SGCZ: variants seen among roughly 807,000 people sequenced by gnomAD.
SGCZ encodes zeta-sarcoglycan.
In SGCZ, 40 loss-of-function variants were observed where a neutral mutation model predicts 41.3. The observed-to-expected ratio is 0.97, with a 90% CI of 0.75 to 1.26. The LOEUF (loss-of-function observed/expected upper bound fraction) is 1.26. Among genes scored for constraint, SGCZ ranks in the 50% most tolerant of loss-of-function variants. The pLI, the probability that SGCZ is intolerant of heterozygous loss-of-function variation, is 0.00. For missense variants in SGCZ, 552 were observed against 369.8 expected, an observed-to-expected ratio of 1.49 and a Z score of -4.04; for synonymous variants, 206 against 137.5, an observed-to-expected ratio of 1.50 and a Z score of -3.49.
At chr8:14,142,236 C>T (rs879920753) in intron 5 of SGCZ, among the ~76,000 whole-genome samples, 8 of 152,168 alleles carry the variant, frequency 5.3e-5, no homozygotes, top group South Asian at 2.1e-4. Context: ...TTAAGGGGTG[C>T]AGCACACCAA....
At chr8:15,185,206 A>G (rs1800297596) in intron 1 of SGCZ, among the ~76,000 whole-genome samples, 1 of 152,210 alleles carries the variant, frequency 6.6e-6, no homozygotes, top group Non-Finnish European at 1.5e-5. Flanking sequence ...AAATAGAGGG[A>G]AAGCCAGGGC....
chr8:15,038,316 A>G (rs551919225), intron 1 of SGCZ, among the ~76,000 whole-genome samples: 1 of 152,258 alleles, frequency 6.6e-6, no homozygotes, highest in South Asian at 2.1e-4. Context: ...CTTACGGTCA[A>G]TTGATTTTTG....
chr8:14,576,358 A>T (rs1213595489), intron 1 of SGCZ, among the ~76,000 whole-genome samples: 3 of 152,234 alleles, frequency 2.0e-5, no homozygotes, highest in South Asian at 2.1e-4. Context: ...AGGGAAAAAA[A>T]ACTGAGTTTT....
intron 4 of SGCZ, among the ~76,000 whole-genome samples, chr8:14,183,962 A>G (rs1804818103): frequency 6.6e-6 from 1 of 152,192 alleles, no homozygotes; most frequent in African/African-American, 2.4e-5. Context: ...CTTATAGTTA[A>G]GAAGTGAACT....
intron 1 of SGCZ, among the ~76,000 whole-genome samples, chr8:15,067,413 C>T (rs953886129): frequency 2.6e-5 from 4 of 152,294 alleles, no homozygotes; most frequent in Admixed American, 6.5e-5. Flanking sequence ...GTACGTAAAT[C>T]TTATTATCCC....
rs375878587 is a variant in SGCZ at position 15,209,624 on chromosome 8, G to A, written c.39+27961C>T. The stretch of plus-strand genomic sequence containing the variant: ...TAAGTTAAATCACAATTCTGTAAGT[G>A]AGAAGATTGAAGTTTAAAAGATCTA... On this transcript the variant is annotated intron_variant, in intron 1 of 7. Coordinates refer to ENST00000382080, the MANE Select transcript of SGCZ (RefSeq NM_139167.4). Among the ~76,000 whole-genome samples, 273 of 152,194 alleles carry A rather than the reference G, an allele frequency of 1.8e-3. 1 individual carries two copies. Among genetic ancestry groups the A allele is most frequent in the Non-Finnish European group, 2.7e-3 (186 of 68,002 alleles).
At chr8:14,931,345 T>C (rs1799917902) in intron 1 of SGCZ, among the ~76,000 whole-genome samples, 1 of 152,096 alleles carries the variant, frequency 6.6e-6, no homozygotes, top group South Asian at 2.1e-4. Context: ...TGATCTATTC[T>C]TGAGTTCCTA....
At chr8:14,952,525 G>C (rs1284577091) in intron 1 of SGCZ, among the ~76,000 whole-genome samples, 3 of 152,086 alleles carry the variant, frequency 2.0e-5, no homozygotes, top group South Asian at 2.1e-4. Context: ...GTTCGATAAT[G>C]TTGATAAATT....
intron 1 of SGCZ, among the ~76,000 whole-genome samples, chr8:14,567,012 C>A (rs1242182081): frequency 1.3e-5 from 2 of 152,190 alleles, no homozygotes; most frequent in Admixed American, 6.5e-5. Context: ...TGCACCAGGT[C>A]CCCCAGCAGT....
At chr8:14,654,954 C>T (rs1457242935) in intron 1 of SGCZ, among the ~76,000 whole-genome samples, 1 of 152,148 alleles carries the variant, frequency 6.6e-6, no homozygotes, top group East Asian at 1.9e-4. Flanking sequence ...CAGGAAGCCA[C>T]TGCACTGGCC....
intron 1 of SGCZ, among the ~76,000 whole-genome samples, chr8:14,832,733 AT>A (rs1434588628): frequency 6.6e-6 from 1 of 152,154 alleles, no homozygotes; most frequent in Non-Finnish European, 1.5e-5. Context: ...TATATTTATG[AT>A]CTGTGTGCTT....
At chr8:14,255,695 C>T (rs1287188012) in intron 3 of SGCZ, among the ~76,000 whole-genome samples, 1 of 151,980 alleles carries the variant, frequency 6.6e-6, no homozygotes, top group African/African-American at 2.4e-5. Context: ...ATGAATATAA[C>T]TTATTAATGA....
At chr8:14,308,767 T>G (rs1334367969) in intron 3 of SGCZ, among the ~76,000 whole-genome samples, 1 of 152,090 alleles carries the variant, frequency 6.6e-6, no homozygotes, top group Non-Finnish European at 1.5e-5. Context: ...TAATAAAATT[T>G]GTAACACACT....
intron 1 of SGCZ, among the ~76,000 whole-genome samples, chr8:15,165,411 G>C (rs1032737373): frequency 2.0e-5 from 3 of 152,130 alleles, no homozygotes; most frequent in African/African-American, 7.2e-5. Flanking sequence ...TTGGTAACAT[G>C]CAACATGCGG....
intron 5 of SGCZ, among the ~76,000 whole-genome samples, chr8:14,158,100 CT>C (rs1161863736): frequency 5.0e-4 from 74 of 147,106 alleles, no homozygotes; most frequent in Middle Eastern, 3.6e-3. Flanking sequence ...TTTCACATGT[CT>C]TTTTTTTTTT....
At chr8:14,097,426 G>A (rs1801879962) in intron 7 of SGCZ, among the ~76,000 whole-genome samples, 1 of 152,204 alleles carries the variant, frequency 6.6e-6, no homozygotes, top group Non-Finnish European at 1.5e-5. Context: ...TCTTAATCCT[G>A]AGTTCTAATT....
intron 3 of SGCZ, among the ~76,000 whole-genome samples, chr8:14,282,995 G>A (rs1249200425): frequency 2.7e-5 from 4 of 150,358 alleles, no homozygotes; most frequent in Admixed American, 6.7e-5. Flanking sequence ...GACTACAGGT[G>A]CCCGCCACCA....
At chr8:14,326,130 A>AAAAAAAAAAAAAAAAAAAAC (rs1802103306) in intron 2 of SGCZ, among the ~76,000 whole-genome samples, 1 of 148,490 alleles carries the variant, frequency 6.7e-6, no homozygotes, top group African/African-American at 2.5e-5. Context: ...AAAAAAAAAA[A>AAAAAAAAAAAAAAAAAAAAC]GATGAGGACG....
intron 2 of SGCZ, among the ~76,000 whole-genome samples, chr8:14,390,088 T>C (rs1241869856): frequency 6.6e-6 from 1 of 152,004 alleles, no homozygotes; most frequent in South Asian, 2.1e-4. Flanking sequence ...AAATAGACTA[T>C]GAATTTTATT....
Sources: allele counts gnomAD v4.1 joint callset (sites outside exome capture counted in the v4.1 genomes callset), GRCh38; gene constraint gnomAD v4.1.1; transcripts MANE v1.5; gene names NCBI Gene and HGNC (gene_info 2026-07-23, HGNC 2026-07-21).